Variants in DSN1 observed in about 807,000 individuals in gnomAD.
DSN1 encodes the protein DSN1 component of MIS12 kinetochore complex, also known as kinetochore-associated protein DSN1 homolog.
In DSN1, 31 loss-of-function variants were observed where a neutral mutation model predicts 45.7. The observed-to-expected ratio is 0.68, with a 90% CI of 0.51 to 0.92. DSN1 has a LOEUF of 0.92. Among genes scored for constraint, DSN1 ranks in the 40% least tolerant of loss-of-function variants. DSN1 has a pLI of 0.00. For synonymous variants in DSN1, 134 were observed against 142.3 expected (o/e 0.94, Z 0.41); for missense variants, 394 against 414.2 (o/e 0.95, Z 0.42).
chr20:36,758,416 C>G, intron 7 of DSN1, 142 bp downstream of exon 7: 1 of 740,652 alleles, frequency 1.4e-6, no homozygotes, highest in Non-Finnish European at 2.2e-6. Flanking sequence ...ATAAAAATCT[C>G]AATATGCAGC....
At chr20:36,761,980 G>A (rs1987007453) in intron 6 of DSN1, among the ~76,000 whole-genome samples, 2 of 151,704 alleles carry the variant, frequency 1.3e-5, no homozygotes, top group Non-Finnish European at 2.9e-5. Context: ...TTGCACTCCA[G>A]CCTGGGGTAC....
chr20:36,768,972 T>G (rs957819640), intron 3 of DSN1, among the ~76,000 whole-genome samples: 1 of 152,198 alleles, frequency 6.6e-6, no homozygotes, highest in Non-Finnish European at 1.5e-5. Flanking sequence ...AAAAAGCATT[T>G]TATGAAATGC....
chr20:36,755,612 C>T (rs1986625617), intron 9 of DSN1, 70 bp downstream of exon 9: 1 of 1,543,526 alleles, frequency 6.5e-7, no homozygotes, highest in South Asian at 1.2e-5. Context: ...TTCTCCAGGT[C>T]TTTTAATTTC....
chr20:36,766,312 G>A (rs901828260), intron 5 of DSN1, among the ~76,000 whole-genome samples: 2 of 152,114 alleles, frequency 1.3e-5, no homozygotes, highest in South Asian at 2.1e-4. Context: ...CAGAATGGAA[G>A]GGAAGATTAT....
intron 6 of DSN1, among the ~76,000 whole-genome samples, chr20:36,759,514 C>T (rs538280093): frequency 1.2e-3 from 184 of 152,030 alleles, no homozygotes; most frequent in Non-Finnish European, 2.4e-4. Flanking sequence ...GATGGAGTCT[C>T]ACTCTGTCAC....
chr20:36,771,341 C>A (rs1450039847), intron 2 of DSN1, 84 bp downstream of exon 2: 4 of 1,526,000 alleles, frequency 2.6e-6, no homozygotes, highest in Non-Finnish European at 3.6e-6. Flanking sequence ...GATTCCAAAT[C>A]TACCAGGAGC....
At chr20:36,764,440 C>A (rs1235314599) in intron 5 of DSN1, among the ~76,000 whole-genome samples, 1 of 152,130 alleles carries the variant, frequency 6.6e-6, no homozygotes. Flanking sequence ...TTTTCTAGAT[C>A]TTTTAAGTGG....
At chr20:36,753,673 A>C (rs541737305) in intron 10 of DSN1, among the ~76,000 whole-genome samples, 29 of 151,078 alleles carry the variant, frequency 1.9e-4, no homozygotes, top group South Asian at 1.9e-3. Flanking sequence ...AGAAAGAAAG[A>C]AAGCCAGCCA....
intron 5 of DSN1, among the ~76,000 whole-genome samples, chr20:36,764,220 C>CAA (rs151127917): frequency 7.9e-6 from 1 of 126,512 alleles, no homozygotes. Flanking sequence ...GATCCTGTCT[C>CAA]AAAAAAAAAA....
intron 2 of DSN1, 55 bp downstream of exon 2, chr20:36,771,370 A>G: frequency 2.5e-6 from 4 of 1,576,352 alleles, no homozygotes; most frequent in Non-Finnish European, 3.5e-6. Flanking sequence ...ATTTGGGTAT[A>G]GCTCAGAAGC....
At chr20:36,753,712 A>G (rs575125387) in intron 10 of DSN1, among the ~76,000 whole-genome samples, 1 of 152,100 alleles carries the variant, frequency 6.6e-6, no homozygotes, top group East Asian at 1.9e-4. Context: ...AATGTGATCA[A>G]TAAGAAGATG....
intron 10 of DSN1, 53 bp downstream of exon 10, chr20:36,754,710 A>C: frequency 6.6e-7 from 1 of 1,511,126 alleles, no homozygotes; most frequent in Non-Finnish European, 9.2e-7. Context: ...TGTATCCCAA[A>C]GGCTATCATG....
chr20:36,766,194 C>CAAAAAA (rs368772931), intron 5 of DSN1, among the ~76,000 whole-genome samples: 2 of 48,032 alleles, frequency 4.2e-5, no homozygotes, highest in African/African-American at 7.1e-5. Context: ...GACTCCATCT[C>CAAAAAA]AAAAAAAAAA....
chr20:36,755,577 A>G, intron 9 of DSN1, 105 bp downstream of exon 9: 48 of 1,276,980 alleles, frequency 3.8e-5, no homozygotes, highest in Non-Finnish European at 4.8e-5. Flanking sequence ...AGTTGAATAT[A>G]CATATTCAAC....
At chr20:36,760,801 A>G (rs1277036857) in intron 6 of DSN1, among the ~76,000 whole-genome samples, 1 of 152,142 alleles carries the variant, frequency 6.6e-6, no homozygotes, top group East Asian at 1.9e-4. Flanking sequence ...GAGGCAGGAG[A>G]ATCACTTGAA....
At chr20:36,761,782 AG>A (rs1460891398) in intron 6 of DSN1, among the ~76,000 whole-genome samples, 2 of 152,090 alleles carry the variant, frequency 1.3e-5, no homozygotes, top group African/African-American at 4.8e-5. Context: ...GAATTACTTG[AG>A]GTCAGGAGCT....
At chr20:36,755,896 T>G in intron 8 of DSN1, 67 bp from the exon 9 acceptor site, 2 of 1,551,530 alleles carry the variant, frequency 1.3e-6, no homozygotes, top group Non-Finnish European at 1.7e-6. Context: ...TACCAAAGAT[T>G]ATCCTATAAA....
At chr20:36,772,470 G>A (rs965018546) in intron 1 of DSN1, among the ~76,000 whole-genome samples, 1 of 151,870 alleles carries the variant, frequency 6.6e-6, no homozygotes, top group Non-Finnish European at 1.5e-5. Context: ...TGTATTTTTA[G>A]TAGCGATGGG....
chr20:36,769,557 C>G (rs1987523650), intron 3 of DSN1, among the ~76,000 whole-genome samples: 1 of 152,150 alleles, frequency 6.6e-6, no homozygotes, highest in Non-Finnish European at 1.5e-5. Flanking sequence ...AAGTGCCTAT[C>G]TTTACCCAGA....
Sources: allele counts gnomAD v4.1 joint callset (sites outside exome capture counted in the v4.1 genomes callset), GRCh38; gene constraint gnomAD v4.1.1; transcripts MANE v1.5; gene names NCBI Gene and HGNC (gene_info 2026-07-23, HGNC 2026-07-21).